Variants in STK31 observed in about 807,000 individuals in gnomAD.
STK31 encodes the protein serine/threonine kinase 31, also known as serine/threonine-protein kinase 31.
In STK31, 89 loss-of-function variants were observed where a neutral mutation model predicts 129.7. The observed-to-expected ratio is 0.69, with a 90% CI of 0.58 to 0.82. STK31 has a LOEUF of 0.82. Ranked by LOEUF, STK31 falls within the 40% of genes least tolerant of loss-of-function variation. STK31 has a pLI of 0.00. For synonymous variants in STK31, 448 were observed against 395.3 expected (o/e 1.13, Z -1.58); for missense variants, 1,187 against 1,176.4 (o/e 1.01, Z -0.13).
chr7:23,750,067 T>TTCCCCCCCCC (rs1788611310), intron 8 of STK31, among the ~76,000 whole-genome samples: 1 of 90,556 alleles, frequency 1.1e-5, no homozygotes, highest in Non-Finnish European at 2.3e-5. Flanking sequence ...ATGGTTTGTT[T>TTCCCCCCCCC]CCCCCCCCGC....
intron 4 of STK31, among the ~76,000 whole-genome samples, chr7:23,724,087 A>T (rs187265165): frequency 6.7e-4 from 102 of 152,348 alleles, no homozygotes; most frequent in African/African-American, 2.3e-3. Flanking sequence ...GAGATAAACA[A>T]TTTAAAAGAC....
rs146772794 is a variant in STK31 at position 23,712,666 on chromosome 7, G to T, written c.150+380G>T. On this transcript the variant is annotated intron_variant, in intron 3 of 23. Coordinates refer to ENST00000355870, the MANE Select transcript of STK31 (RefSeq NM_031414.5). ...TGAAGGAGGATAAGTTAAAAATCTC[G>T]GTCGTTTTTTCTAATGGCTTAAATT... Among the ~76,000 whole-genome samples, 1,317 of 152,092 alleles carry T rather than the reference G, an allele frequency of 8.7e-3. 14 individuals are homozygous for T. The highest frequency in any genetic ancestry group is 0.018 in the South Asian group (87 of 4,824).
chr7:23,710,348 T>G lies in STK31; in HGVS notation c.50+13T>G, dbSNP rs778656972. The stretch of plus-strand genomic sequence containing the variant: ...CGGAAAGTGTGAGGTCAGTAGTAGT[T>G]TTTGTGGTACGTGCAGTGGTGGCCG... On this transcript the variant is annotated intron_variant, in intron 1 of 23. Coordinates refer to ENST00000355870, the MANE Select transcript of STK31 (RefSeq NM_031414.5). The G allele has an allele frequency of 6.2e-6, 10 of 1,613,342 alleles. No individual in the cohort carries two copies. Among genetic ancestry groups the G allele is most frequent in the African/African-American group, 1.3e-5 (1 of 74,924 alleles).
intron 8 of STK31, among the ~76,000 whole-genome samples, chr7:23,742,951 ACT>A (rs1788136576): frequency 1.1e-5 from 1 of 90,324 alleles, no homozygotes; most frequent in South Asian, 5.0e-4. Flanking sequence ...TGGGTTTTAT[ACT>A]TTTTTTTTTT....
At chr7:23,764,787 G>C (rs1789704418) in intron 11 of STK31, among the ~76,000 whole-genome samples, 1 of 151,912 alleles carries the variant, frequency 6.6e-6, no homozygotes, top group African/African-American at 2.4e-5. Context: ...TGGGTGTTAA[G>C]GTATTCATGA....
chr7:23,741,534 T>C (rs2128084937), intron 8 of STK31, among the ~76,000 whole-genome samples: 1 of 152,272 alleles, frequency 6.6e-6, no homozygotes, highest in East Asian at 1.9e-4. Context: ...AATCAGATAT[T>C]TCACCTAGTA....
In STK31 at chr7:23,785,385, A is replaced by G. The variant is rs967732137; in HGVS notation, c.2149-93A>G. ...TTTTCCAGTACAGTTGATGGTGTCC[A>G]AGTCATTTAATATCGTGTAACTAAT... On this transcript the variant is annotated intron_variant, in intron 17 of 23. Transcript: ENST00000355870. 12 of 1,520,338 alleles carry G rather than the reference A, an allele frequency of 7.9e-6. No homozygotes were observed. The African/African-American group carries it at 1.2e-4, about 16-fold the overall frequency. 94.2% of individuals were successfully genotyped at this position (1,520,338 alleles called of 1,614,324 possible). A position where few individuals can be genotyped will look rare whatever the true frequency, so the allele number is the denominator to read the frequency against.
intron 3 of STK31, among the ~76,000 whole-genome samples, chr7:23,717,165 A>G (rs1479693783): frequency 7.9e-6 from 1 of 126,040 alleles, no homozygotes; most frequent in Non-Finnish European, 1.6e-5. Context: ...ATGTCCCAGG[A>G]TCATCTTTTA....
chr7:23,759,029 T>TA (rs1175539894), intron 10 of STK31, among the ~76,000 whole-genome samples: 1 of 151,886 alleles, frequency 6.6e-6, no homozygotes, highest in African/African-American at 2.4e-5. Flanking sequence ...TCAACAAAGA[T>TA]AAAAAAAGAC....
chr7:23,802,642 G>A (rs1362364613), intron 22 of STK31, among the ~76,000 whole-genome samples: 1 of 152,060 alleles, frequency 6.6e-6, no homozygotes, highest in African/African-American at 2.4e-5. Context: ...GCCTCCCGAG[G>A]AGCTGGGATT....
At chr7:23,825,938 G>GT (rs1266521478) in intron 23 of STK31, among the ~76,000 whole-genome samples, 3 of 152,042 alleles carry the variant, frequency 2.0e-5, no homozygotes, top group Non-Finnish European at 2.9e-5. Context: ...CTGAGTTCTA[G>GT]TTCATTGCAC....
chr7:23,807,748 G>A (rs908620355), intron 22 of STK31, among the ~76,000 whole-genome samples: 3 of 151,754 alleles, frequency 2.0e-5, no homozygotes, highest in African/African-American at 4.8e-5. Flanking sequence ...TGTAATGATG[G>A]TTGTTCAAAT....
chr7:23,748,982 A>T (rs191114805), intron 8 of STK31, among the ~76,000 whole-genome samples: 63 of 152,314 alleles, frequency 4.1e-4, no homozygotes, highest in African/African-American at 1.5e-3. Flanking sequence ...AATTATATCC[A>T]ATTTATTGGT....
At chr7:23,829,771 T>C (rs1794430269) in intron 23 of STK31, among the ~76,000 whole-genome samples, 1 of 152,204 alleles carries the variant, frequency 6.6e-6, no homozygotes, top group Non-Finnish European at 1.5e-5. Flanking sequence ...GACTTTTCTA[T>C]GTTGGGAGAC....
At position 23,717,643 on chromosome 7, in the gene STK31, T is replaced by G. The variant is rs904134728; in HGVS notation, c.249+64T>G. The stretch of plus-strand genomic sequence containing the variant: ...TGTCAGCTTTCCTGTGTCTTAGATA[T>G]TTAGTTTTTGGAGTTCCTGGTATAT... On this transcript the variant is annotated intron_variant, in intron 4 of 23. Coordinates refer to ENST00000355870, the MANE Select transcript of STK31 (RefSeq NM_031414.5). 3 of 1,308,166 alleles carry G rather than the reference T, an allele frequency of 2.3e-6. No homozygotes were observed. The East Asian group carries it at 7.5e-5, about 33-fold the overall frequency. The allele number at this position is 1,308,166 out of a possible 1,614,324, so 81.0% of individuals were successfully genotyped here.
intron 18 of STK31, 53 bp from the exon 19 acceptor site, chr7:23,786,455 T>C: frequency 6.5e-7 from 1 of 1,542,396 alleles, no homozygotes; most frequent in Non-Finnish European, 8.7e-7. Context: ...TGATGTATAA[T>C]TATAATGAGA....
chr7:23,737,290 C>A (rs1226471007), intron 8 of STK31, among the ~76,000 whole-genome samples: 1 of 152,154 alleles, frequency 6.6e-6, no homozygotes, highest in East Asian at 1.9e-4. Context: ...AATAATTTCT[C>A]ATTTACATTT....
intron 22 of STK31, chr7:23,811,193 A>T (rs1382455187): frequency 9.4e-6 from 2 of 212,442 alleles, no homozygotes; most frequent in Non-Finnish European, 1.9e-5. Context: ...ATATAGGGTC[A>T]CATCATCCTT....
At chr7:23,773,861 G>C (rs1466188842) in intron 15 of STK31, among the ~76,000 whole-genome samples, 2 of 151,814 alleles carry the variant, frequency 1.3e-5, no homozygotes, top group Non-Finnish European at 2.9e-5. Context: ...CATGTGCCAT[G>C]TTGGTTTGCT....
Sources: gnomAD v4.1 joint callset for allele counts (sites outside exome capture counted in the v4.1 genomes callset) on GRCh38, gnomAD v4.1.1 for gene constraint, MANE v1.5 for transcripts, NCBI Gene and HGNC (gene_info 2026-07-23, HGNC 2026-07-21) for gene names.